Variants in GPALPP1 observed in about 807,000 individuals in gnomAD.
GPALPP1 encodes the protein GPALPP motifs containing 1, also known as GPALPP motifs-containing protein 1.
GPALPP1 carries 30 observed loss-of-function variants against 38.9 expected under a neutral mutation model. That is an observed-to-expected ratio of 0.77 (90% CI 0.58 to 1.05). The LOEUF (loss-of-function observed/expected upper bound fraction) is 1.05, where lower values mean the gene tolerates loss of function less well. Ranked by LOEUF, GPALPP1 falls within the 50% of genes least tolerant of loss-of-function variation. The pLI, the probability that GPALPP1 is intolerant of heterozygous loss-of-function variation, is 0.00. For synonymous variants in GPALPP1, 120 were observed against 139.2 expected (o/e 0.86, Z 0.97); for missense variants, 384 against 408.8 (o/e 0.94, Z 0.52).
intron 2 of GPALPP1, chr13:45,005,049 T>G (rs1233397016): frequency 6.6e-6 from 1 of 151,204 alleles, no homozygotes; most frequent in Non-Finnish European, 1.5e-5. Flanking sequence ...AAATTATATA[T>G]GCAGTGTATG....
chr13:45,018,490 T>C (rs1875040891), intron 6 of GPALPP1, among the ~76,000 whole-genome samples: 1 of 152,182 alleles, frequency 6.6e-6, no homozygotes, highest in Non-Finnish European at 1.5e-5. Context: ...CTTTCCAGTC[T>C]TGACGATATC....
chr13:45,018,011 C>G (rs962637405), intron 6 of GPALPP1, among the ~76,000 whole-genome samples: 1 of 152,112 alleles, frequency 6.6e-6, no homozygotes, highest in Non-Finnish European at 1.5e-5. Context: ...GATAGGTTCC[C>G]TCCATTCCAT....
chr13:45,028,008 G>C lies in GPALPP1; in HGVS notation c.*5G>C. On this transcript the variant is annotated 3_prime_UTR_variant, in exon 8 of 8. Coordinates refer to ENST00000379151, the MANE Select transcript of GPALPP1 (RefSeq NM_018559.5). ...AAAGGCAATATGTTTTTATAAGTAA[G>C]TATATTTCAGTGAGGTATATTTTAA... 7.8e-6 allele frequency: 11 copies of C among 1,416,710 alleles called. No homozygotes were observed. The highest frequency in any genetic ancestry group is 1.1e-5 in the Non-Finnish European group (11 of 1,002,578). The allele number at this position is 1,416,710 out of a possible 1,614,324, so 87.8% of individuals were successfully genotyped here.
intron 7 of GPALPP1, among the ~76,000 whole-genome samples, chr13:45,024,960 CTT>C (rs1367807244): frequency 6.6e-6 from 1 of 152,002 alleles, no homozygotes; most frequent in African/African-American, 2.4e-5. Context: ...TAGTGAAAGA[CTT>C]TTTTTCTAGT....
At chr13:44,991,582 C>G (rs965697543) in intron 1 of GPALPP1, among the ~76,000 whole-genome samples, 1 of 152,244 alleles carries the variant, frequency 6.6e-6, no homozygotes, top group Non-Finnish European at 1.5e-5. Flanking sequence ...TCATAACCGC[C>G]TAGATGGCTG....
Position 45,015,395 on chromosome 13 carries a change from T to G in GPALPP1, c.541-37T>G, listed in dbSNP as rs370761166. The G allele has an allele frequency of 5.2e-6, 7 of 1,357,182 alleles. No individual in the cohort carries two copies. The African/African-American group carries it at 1.0e-4, about 20-fold the overall frequency. The allele number at this position is 1,357,182 out of a possible 1,614,324, so 84.1% of individuals were successfully genotyped here. On this transcript the variant is annotated intron_variant, in intron 5 of 7. Coordinates refer to ENST00000379151, the MANE Select transcript of GPALPP1 (RefSeq NM_018559.5). ...ATATGTACTCATCTTATACACGATA[T>G]GTACTTTCTATGCTGTGTTTTTTTT...
In GPALPP1 at chr13:45,028,392, C is replaced by T. The variant is rs900983880; in HGVS notation, c.*389C>T. 6.3e-6 allele frequency: 1 copy of T among 157,640 alleles called. No individual in the cohort carries two copies. Among genetic ancestry groups the T allele is most frequent in the African/African-American group, 2.4e-5 (1 of 41,530 alleles). The allele number at this position is 157,640 out of a possible 1,614,324, so 9.8% of individuals were successfully genotyped here. A position where few individuals can be genotyped will look rare whatever the true frequency, so the allele number is the denominator to read the frequency against. On this transcript the variant is annotated 3_prime_UTR_variant, in exon 8 of 8. Transcript: ENST00000379151. ...GGAAATGTTTGTTGCTTAGAAAGGT[C>T]CCCTATAAGTTAAGGTTCAAAACTA...
chr13:45,032,597 G>A (rs902769317), downstream of GPALPP1, among the ~76,000 whole-genome samples: 39 of 151,342 alleles, frequency 2.6e-4, no homozygotes, highest in African/African-American at 8.3e-4. Flanking sequence ...GTAGAGACGG[G>A]GTTTCACCAT....
rs925371807 is a variant in GPALPP1 at position 45,029,368 on chromosome 13, A to G, written c.*1365A>G. 4 of 152,208 alleles carry G rather than the reference A, an allele frequency of 2.6e-5. No individual in the cohort carries two copies. Among genetic ancestry groups the G allele is most frequent in the South Asian group, 2.1e-4 (1 of 4,836 alleles). 9.4% of individuals were successfully genotyped at this position (152,208 alleles called of 1,614,324 possible). ...AACATACAAATTTACCTTGTTCTGT[A>G]TGTCCTTTTAAGGTCATGTGGAAAC... On this transcript the variant is annotated 3_prime_UTR_variant, in exon 8 of 8. Transcript: ENST00000379151.
chr13:45,010,389 A>G (rs967934172), intron 4 of GPALPP1, among the ~76,000 whole-genome samples: 2 of 152,132 alleles, frequency 1.3e-5, no homozygotes, highest in African/African-American at 2.4e-5. Flanking sequence ...CATAGTATTT[A>G]TTACCACCGA....
intron 1 of GPALPP1, among the ~76,000 whole-genome samples, chr13:45,002,993 C>T (rs1010234322): frequency 2.6e-5 from 4 of 152,232 alleles, no homozygotes; most frequent in African/African-American, 9.6e-5. Flanking sequence ...AGCATTTACA[C>T]TATCTGAATT....
Position 45,004,324 on chromosome 13 carries a change from C to G in GPALPP1, c.108C>G (p.Pro36=), listed in dbSNP as rs200707129. The change falls in exon 2 of 8, where the codon CCC becomes CCG. Residue 36 remains proline (P), a synonymous_variant. Coordinates refer to ENST00000379151, the MANE Select transcript of GPALPP1 (RefSeq NM_018559.5). ...DPSPVAGPAL[P]PNYKSSSSDS... ...CTTTAGTTGCAGGACCAGCTCTGCC[C>G]CCTAATTATAAAAGCAGTAGTTCAG... 34 of 1,611,622 alleles carry G rather than the reference C, an allele frequency of 2.1e-5. No individual in the cohort carries two copies. The Admixed American group carries it at 4.5e-4, about 21-fold the overall frequency.
chr13:45,014,381 T>C (rs1347622773), intron 4 of GPALPP1, among the ~76,000 whole-genome samples: 2 of 152,144 alleles, frequency 1.3e-5, no homozygotes, highest in Non-Finnish European at 2.9e-5. Flanking sequence ...TGAGATAAAA[T>C]AATAGACAGG....
At chr13:45,034,331 G>A (rs1876328885), downstream of GPALPP1, 1 of 152,136 alleles carries the variant, frequency 6.6e-6, no homozygotes, top group African/African-American at 2.4e-5. Flanking sequence ...AAAAAGATCT[G>A]AGTAAAAAAG....
At chr13:45,014,355 C>T (rs1021821328) in intron 4 of GPALPP1, among the ~76,000 whole-genome samples, 3 of 152,022 alleles carry the variant, frequency 2.0e-5, no homozygotes, top group African/African-American at 7.2e-5. Context: ...ACACTTAATG[C>T]TAAATCACTA....
In GPALPP1 at chr13:45,015,045, GC is replaced by G; in HGVS notation, c.505del (p.Gln169ArgfsTer3). On this transcript the variant is annotated frameshift_variant, in exon 5 of 8. Transcript: ENST00000379151. LOFTEE classifies it high-confidence loss of function. ...YNVTTEFEKRAQRMKEKLTKG... is the reference protein window; with the variant it reads ...YNVTTEFEKRXQRMKEKLTKG... ...TGTAACGACAGAGTTTGAAAAAAGGGCCCAGAGAATGAAAGAAAAACTGACC... is the reference window on the plus strand; with the variant it reads ...TGTAACGACAGAGTTTGAAAAAAGGGCCAGAGAATGAAAGAAAAACTGACC... 6.2e-7 allele frequency: 1 copy of G among 1,609,024 alleles called. No individual in the cohort carries two copies. The highest frequency in any genetic ancestry group is 2.2e-5 in the East Asian group (1 of 44,722).
At chr13:45,019,599 T>C (rs1875239840) in intron 6 of GPALPP1, among the ~76,000 whole-genome samples, 1 of 149,378 alleles carries the variant, frequency 6.7e-6, no homozygotes, top group Non-Finnish European at 1.5e-5. Context: ...ATAAACACAA[T>C]TTTTCTTTTT....
At chr13:44,994,367 G>C (rs1172679718) in intron 1 of GPALPP1, among the ~76,000 whole-genome samples, 1 of 152,070 alleles carries the variant, frequency 6.6e-6, no homozygotes, top group Non-Finnish European at 1.5e-5. Flanking sequence ...CGGATCACCT[G>C]AGGTCAGGAA....
chr13:44,994,406 C>T (rs1873096975), intron 1 of GPALPP1, among the ~76,000 whole-genome samples: 1 of 151,390 alleles, frequency 6.6e-6, no homozygotes, highest in Non-Finnish European at 1.5e-5. Context: ...GTGGAGAAAC[C>T]CCGTCTCTAC....
Sources: allele counts gnomAD v4.1 joint callset (sites outside exome capture counted in the v4.1 genomes callset), GRCh38; gene constraint gnomAD v4.1.1; transcripts MANE v1.5; gene names NCBI Gene and HGNC (gene_info 2026-07-23, HGNC 2026-07-21).